Variants in ABL1 observed in about 807,000 individuals in gnomAD.
The protein encoded by ABL1 is tyrosine-protein kinase ABL1.
ABL1 carries 11 observed loss-of-function variants against 94.7 expected under a neutral mutation model. The observed-to-expected ratio is 0.12, with a 90% CI of 0.07 to 0.19. The LOEUF is 0.19. Ranked by LOEUF, ABL1 falls within the 10% of genes least tolerant of loss-of-function variation. The pLI is 1.00. For missense variants in ABL1, 1,082 were observed against 1,489.4 expected (o/e 0.73, Z 4.50); for synonymous variants, 656 against 622.4 (o/e 1.05, Z -0.80).
intron 1 of ABL1, among the ~76,000 whole-genome samples, chr9:130,821,291 CA>C (rs1266553306): frequency 3.9e-5 from 6 of 152,160 alleles, no homozygotes; most frequent in African/African-American, 1.4e-4. Context: ...CCCTTTGCAG[CA>C]GTCCTACCCC....
At chr9:130,713,085 C>A (rs1489050222) in exon 1 of ABL1, among the ~76,000 whole-genome samples, 1 of 152,246 alleles carries the variant, frequency 6.6e-6, no homozygotes, top group African/African-American at 2.4e-5. Flanking sequence ...TGTGCCTGAG[C>A]AGCGCTGGAG....
chr9:130,832,569 C>T (rs1439300013), upstream of ABL1, among the ~76,000 whole-genome samples: 1 of 152,152 alleles, frequency 6.6e-6, no homozygotes, highest in East Asian at 1.9e-4. Context: ...AGTTTTCTTA[C>T]TTGTGAAATG....
Position 130,880,084 on chromosome 9 carries a change from C to T in ABL1, c.1440C>T (p.Pro480=), listed in dbSNP as rs141144135. 13 of 1,614,064 alleles carry T rather than the reference C, an allele frequency of 8.1e-6. No homozygotes were observed. In the African/African-American group the frequency reaches 1.1e-4, roughly 13 times the overall value. The change falls in exon 9 of 11, where the codon CCC becomes CCT. Residue 480 remains proline (P), a synonymous_variant. Transcript: ENST00000318560. This position sits in a 1 kb window ranked among gnomAD's most constrained non-coding sequence, Gnocchi z 4.4. Reference sequence around the variant, plus strand: ...TCTGTCCAGGTTGGCAGTGGAATCCCTCTGACCGGCCCTCCTTTGCTGAAA... The same window carrying T: ...TCTGTCCAGGTTGGCAGTGGAATCCTTCTGACCGGCCCTCCTTTGCTGAAA... The part of the protein sequence containing the change: ...ELMRACWQWN[P]SDRPSFAEIH...
At chr9:130,809,709 T>A (rs1367267638) in intron 1 of ABL1, among the ~76,000 whole-genome samples, 1 of 152,194 alleles carries the variant, frequency 6.6e-6, no homozygotes, top group Admixed American at 6.6e-5. Flanking sequence ...GATTTTTTGT[T>A]CAATTCAGGC....
chr9:130,797,551 T>G (rs1348036278), intron 1 of ABL1, among the ~76,000 whole-genome samples: 1 of 152,086 alleles, frequency 6.6e-6, no homozygotes, highest in Admixed American at 6.6e-5. Flanking sequence ...ATTTTCATAT[T>G]TTTAGTAGAG....
chr9:130,828,161 T>C (rs1179732488), intron 1 of ABL1, among the ~76,000 whole-genome samples: 1 of 152,052 alleles, frequency 6.6e-6, no homozygotes, highest in Non-Finnish European at 1.5e-5. Flanking sequence ...CACAGCTCAC[T>C]GCAGCCCCAA....
chr9:130,794,686 A>T (rs1829952006), intron 1 of ABL1, among the ~76,000 whole-genome samples: 1 of 152,202 alleles, frequency 6.6e-6, no homozygotes, highest in African/African-American at 2.4e-5. Context: ...ATCACTGTTG[A>T]CGGGGTTCCC....
At chr9:130,820,951 A>G (rs1830352431) in intron 1 of ABL1, among the ~76,000 whole-genome samples, 1 of 151,448 alleles carries the variant, frequency 6.6e-6, no homozygotes, top group South Asian at 2.1e-4. Flanking sequence ...TTTTTTCGAG[A>G]CAGAGTCTCA....
chr9:130,718,317 C>CAA (rs35188504), intron 1 of ABL1, among the ~76,000 whole-genome samples: 20,000 of 72,644 alleles, frequency 0.28, 2,819 homozygotes, highest in East Asian at 0.57. Context: ...GACTCTGTCT[C>CAA]AAAAAAAAAA....
At chr9:130,746,567 G>A (rs546716059) in intron 1 of ABL1, among the ~76,000 whole-genome samples, 65 of 150,804 alleles carry the variant, frequency 4.3e-4, no homozygotes, top group Non-Finnish European at 7.7e-4. Flanking sequence ...TTCACTGAGC[G>A]TAATGCCTTT....
At chr9:130,870,803 C>T (rs753789567) in intron 4 of ABL1, among the ~76,000 whole-genome samples, 1 of 152,200 alleles carries the variant, frequency 6.6e-6, no homozygotes, top group East Asian at 1.9e-4. Context: ...TTCAGCCTCA[C>T]GGAGCCCTGA....
At chr9:130,774,413 G>A (rs1267156178) in intron 1 of ABL1, among the ~76,000 whole-genome samples, 10 of 152,086 alleles carry the variant, frequency 6.6e-5, no homozygotes, top group Admixed American at 5.9e-4. Context: ...ATAATCTTGG[G>A]CCTATGAGTA....
Position 130,872,257 on chromosome 9 carries a change from C to A in ABL1, c.907+44C>A. On this transcript the variant is annotated intron_variant, in intron 5 of 10. Coordinates refer to ENST00000318560, the MANE Select transcript of ABL1 (RefSeq NM_005157.6). This position sits in a 1 kb window ranked among gnomAD's most constrained non-coding sequence, Gnocchi z 5.0. ...CTGAAGAGAGGGTCTCGCGCCGCAC[C>A]CCCAGGGTGACACAGGCGCTGGGGA... 1.3e-6 allele frequency: 2 copies of A among 1,569,780 alleles called. No individual in the cohort carries two copies. Among genetic ancestry groups the A allele is most frequent in the Non-Finnish European group, 8.7e-7 (1 of 1,144,724 alleles).
At chr9:130,797,201 A>T (rs1354448446) in intron 1 of ABL1, among the ~76,000 whole-genome samples, 2 of 126,456 alleles carry the variant, frequency 1.6e-5, no homozygotes, top group Non-Finnish European at 3.2e-5. Context: ...GCGCCACTGC[A>T]TTCGAGCCTG....
intron 1 of ABL1, among the ~76,000 whole-genome samples, chr9:130,787,817 C>T (rs1829851224): frequency 6.6e-6 from 1 of 152,224 alleles, no homozygotes; most frequent in South Asian, 2.1e-4. Flanking sequence ...ATGGCAGCCT[C>T]ATCTTCCTCC....
At chr9:130,865,746 CAAAAAAAAAA>C (rs36055589) in intron 4 of ABL1, among the ~76,000 whole-genome samples, 2 of 61,688 alleles carry the variant, frequency 3.2e-5, no homozygotes, top group African/African-American at 1.1e-4. Flanking sequence ...ACCCTGTCTC[CAAAAAAAAAA>C]AAAAAAAAAA....
At chr9:130,741,675 C>T (rs1327347083) in intron 1 of ABL1, among the ~76,000 whole-genome samples, 1 of 151,494 alleles carries the variant, frequency 6.6e-6, no homozygotes, top group African/African-American at 2.4e-5. Flanking sequence ...TAACAGTTAC[C>T]ACACTGGTAT....
intron 1 of ABL1, among the ~76,000 whole-genome samples, chr9:130,744,389 C>T (rs1831858135): frequency 6.6e-6 from 1 of 151,186 alleles, no homozygotes; most frequent in African/African-American, 2.4e-5. Flanking sequence ...GATCCACCCG[C>T]CTCGGCCTCC....
At chr9:130,800,123 C>T (rs1402810274) in intron 1 of ABL1, among the ~76,000 whole-genome samples, 2 of 152,136 alleles carry the variant, frequency 1.3e-5, no homozygotes, top group African/African-American at 4.8e-5. Flanking sequence ...CCACACGCCT[C>T]AGCCTTCCAA....
Sources: allele counts gnomAD v4.1 joint callset (sites outside exome capture counted in the v4.1 genomes callset), GRCh38; gene constraint gnomAD v4.1.1; non-coding constraint Gnocchi (gnomAD v3.1); transcripts MANE v1.5; gene names NCBI Gene and HGNC (gene_info 2026-07-23, HGNC 2026-07-21).